ATP11B: variants seen among roughly 807,000 people sequenced by gnomAD.
The protein encoded by ATP11B is ATPase phospholipid transporting 11B (putative).
Under a neutral mutation model 157.8 loss-of-function variants are expected in ATP11B, and 81 were observed. The observed-to-expected ratio is 0.51, with a 90% CI of 0.43 to 0.62. ATP11B has a LOEUF of 0.62. Ranked by LOEUF, ATP11B falls within the 20% of genes least tolerant of loss-of-function variation. The pLI, the probability that ATP11B is intolerant of heterozygous loss-of-function variation, is 0.00. For missense variants in ATP11B, 1,165 were observed against 1,402.2 expected (o/e 0.83, Z 2.70); for synonymous variants, 451 against 469.4 (o/e 0.96, Z 0.51).
chr3:182,794,662 TAATTC>T (rs1715488501), intron 1 of ATP11B, among the ~76,000 whole-genome samples: 1 of 152,120 alleles, frequency 6.6e-6, no homozygotes, highest in Admixed American at 6.5e-5. Context: ...TTCCCAGAAT[TAATTC>T]AGAGAGAAAA....
chr3:182,917,613 A>G, intron 29 of ATP11B: 1 of 985,368 alleles, frequency 1.0e-6, no homozygotes, highest in Non-Finnish European at 1.2e-6. Flanking sequence ...ATAGGAACAT[A>G]CTACTGTTTC....
chr3:182,909,829 T>C (rs1008213724), intron 28 of ATP11B, among the ~76,000 whole-genome samples: 1 of 151,986 alleles, frequency 6.6e-6, no homozygotes, highest in African/African-American at 2.4e-5. Flanking sequence ...TTTGGGAGGC[T>C]GAGGTGGGCG....
chr3:182,905,975 G>T, intron 28 of ATP11B: 1 of 420,938 alleles, frequency 2.4e-6, no homozygotes, highest in Non-Finnish European at 4.9e-6. Flanking sequence ...CATGCTTGGG[G>T]GGCATGTCAT....
intron 17 of ATP11B, 128 bp downstream of exon 17, chr3:182,869,459 C>A: frequency 1.7e-6 from 1 of 599,786 alleles, no homozygotes; most frequent in Non-Finnish European, 2.8e-6. Context: ...TGTGTTGGCT[C>A]CACATTCCTT....
chr3:182,840,813 T>C (rs932332932), intron 7 of ATP11B, among the ~76,000 whole-genome samples: 6 of 152,156 alleles, frequency 3.9e-5, no homozygotes, highest in African/African-American at 1.4e-4. Context: ...GCCAGTACCA[T>C]CTCCTGCCTG....
At chr3:182,843,991 A>T (rs1719265881) in intron 8 of ATP11B, 1 of 152,176 alleles carries the variant, frequency 6.6e-6, no homozygotes, top group South Asian at 2.1e-4. Context: ...TTTTATAGGG[A>T]AATAGTGAGA....
intron 28 of ATP11B, among the ~76,000 whole-genome samples, chr3:182,901,130 G>A (rs1001762047): frequency 6.6e-6 from 1 of 151,864 alleles, no homozygotes; most frequent in Non-Finnish European, 1.5e-5. Context: ...CTGAGATGGC[G>A]CCACTGCACT....
chr3:182,896,589 G>A (rs1723564602), intron 25 of ATP11B, 111 bp from the exon 26 acceptor site: 2 of 861,250 alleles, frequency 2.3e-6, no homozygotes, highest in Non-Finnish European at 3.8e-6. Flanking sequence ...AGTTTCAAAT[G>A]TACCTGACTT....
chr3:182,877,483 A>G (rs1011789866), intron 19 of ATP11B, among the ~76,000 whole-genome samples: 5 of 152,172 alleles, frequency 3.3e-5, no homozygotes, highest in African/African-American at 1.2e-4. Flanking sequence ...CTCTACAAAC[A>G]ATACAAAAAT....
At position 182,919,751 on chromosome 3, in the gene ATP11B, A is replaced by G. The variant is rs1248576499; in HGVS notation, c.*1647A>G. On this transcript the variant is annotated 3_prime_UTR_variant, in exon 30 of 30. Transcript: ENST00000323116. Reference sequence around the variant, plus strand: ...CTTTATCCTTGTTTGCTTGTAAACTATTATTTTCTTGCTAATGTAACATTT... The same window carrying G: ...CTTTATCCTTGTTTGCTTGTAAACTGTTATTTTCTTGCTAATGTAACATTT... 2.0e-5 allele frequency: 3 copies of G among 152,198 alleles called. No individual in the cohort carries two copies. Among genetic ancestry groups the G allele is most frequent in the Non-Finnish European group, 2.9e-5 (2 of 68,014 alleles). 9.4% of individuals were successfully genotyped at this position (152,198 alleles called of 1,614,324 possible).
At chr3:182,870,716 G>A (rs1295048374) in intron 17 of ATP11B, among the ~76,000 whole-genome samples, 1 of 152,118 alleles carries the variant, frequency 6.6e-6, no homozygotes, top group Non-Finnish European at 1.5e-5. Context: ...GCTCACACCT[G>A]TAATCCCAGC....
chr3:182,917,634 C>T (rs1473674956), intron 29 of ATP11B: 3 of 985,134 alleles, frequency 3.0e-6, no homozygotes, highest in Non-Finnish European at 3.6e-6. Context: ...ATTCCAAAGC[C>T]TTTGGTAAGT....
Position 182,913,888 on chromosome 3 carries a change from T to C in ATP11B, c.3346T>C (p.Cys1116Arg), listed in dbSNP as rs778636471. Residue 1116 changes from cysteine (C) to arginine (R), a missense_variant, in exon 29 of 30, where the codon TGC becomes CGC. Cys to Arg is a radical substitution (Grantham distance 180). This residue lies in a region of ATP11B where 303 missense variants were observed against 296.3 expected (regional missense o/e 1.02). Transcript: ENST00000323116. ...QLTETNAGIK[C>R]LDSMCCFPEG... ...TACTGAAACAAATGCAGGTATCAAG[T>C]GCTTGGACTCCATGTGCTGTTTCCC... The C allele has an allele frequency of 3.0e-5, 49 of 1,614,048 alleles. No homozygotes were observed. In the African/African-American group the frequency reaches 4.3e-4, roughly 14 times the overall value.
chr3:182,852,745 C>A (rs1035684700), intron 10 of ATP11B, among the ~76,000 whole-genome samples: 2 of 152,148 alleles, frequency 1.3e-5, no homozygotes, highest in African/African-American at 4.8e-5. Context: ...ATAACTAAAT[C>A]TGTAAAACAT....
intron 4 of ATP11B, among the ~76,000 whole-genome samples, chr3:182,835,803 G>A (rs1313893580): frequency 1.3e-5 from 2 of 152,056 alleles, no homozygotes; most frequent in Non-Finnish European, 2.9e-5. Flanking sequence ...AGGAAATTGA[G>A]AAGAAATAAC....
At chr3:182,890,422 C>G (rs1051009926) in intron 25 of ATP11B, among the ~76,000 whole-genome samples, 2 of 151,146 alleles carry the variant, frequency 1.3e-5, no homozygotes, top group Non-Finnish European at 2.9e-5. Flanking sequence ...CCAGCTATTC[C>G]CAAGTACTAT....
intron 25 of ATP11B, among the ~76,000 whole-genome samples, chr3:182,893,333 C>T (rs1203075091): frequency 2.0e-5 from 3 of 151,912 alleles, no homozygotes; most frequent in East Asian, 1.9e-4. Context: ...TCTTTTATTC[C>T]TCACCCCCTC....
chr3:182,858,079 C>A, intron 11 of ATP11B, 51 bp downstream of exon 11: 1 of 1,505,662 alleles, frequency 6.6e-7, no homozygotes, highest in Non-Finnish European at 9.1e-7. Flanking sequence ...TTACTTGGCA[C>A]GATTAGTGCT....
At chr3:182,813,869 A>G (rs906436228) in intron 1 of ATP11B, among the ~76,000 whole-genome samples, 30 of 151,850 alleles carry the variant, frequency 2.0e-4, no homozygotes, top group African/African-American at 7.3e-4. Context: ...CTGGAACTAT[A>G]GACACATGCT....
Sources: allele counts gnomAD v4.1 joint callset (sites outside exome capture counted in the v4.1 genomes callset), GRCh38; gene constraint gnomAD v4.1.1; regional missense constraint gnomAD v4.1.1; transcripts MANE v1.5; gene names NCBI Gene and HGNC (gene_info 2026-07-23, HGNC 2026-07-21).